The following PIGN variants were observed in gnomAD, a reference collection of about 807,000 sequenced individuals.
PIGN encodes the protein phosphatidylinositol glycan anchor biosynthesis class N.
PIGN carries 117 observed loss-of-function variants against 125.4 expected under a neutral mutation model. That is an observed-to-expected ratio of 0.93 (90% CI 0.80 to 1.09). The LOEUF (loss-of-function observed/expected upper bound fraction) is 1.09, where lower values mean the gene tolerates loss of function less well. Ranked by LOEUF, PIGN falls within the 50% of genes least tolerant of loss-of-function variation. PIGN has a pLI of 0.00. For synonymous variants in PIGN, 392 were observed against 377.8 expected, an observed-to-expected ratio of 1.04 and a Z score of -0.44; for missense variants, 1,075 against 1,094.9, an observed-to-expected ratio of 0.98 and a Z score of 0.26.
intron 14 of PIGN, 26 bp from the exon 15 acceptor site, chr18:62,114,665 T>A: frequency 8.7e-7 from 1 of 1,154,194 alleles, no homozygotes; most frequent in Non-Finnish European, 1.2e-6. Context: ...AGAATAGGTT[T>A]AAAGGGTTTC....
chr18:62,114,296 A>G (rs1326798586), intron 15 of PIGN, among the ~76,000 whole-genome samples: 1 of 151,230 alleles, frequency 6.6e-6, no homozygotes, highest in Non-Finnish European at 1.5e-5. Flanking sequence ...TGGGAGGCGG[A>G]GGTTGCAGTG....
chr18:62,109,492 T>C (rs1227642463), intron 17 of PIGN, among the ~76,000 whole-genome samples: 4 of 152,198 alleles, frequency 2.6e-5, no homozygotes, highest in African/African-American at 9.7e-5. Context: ...GAATCTGAGA[T>C]GATGACACAA....
downstream of PIGN, among the ~76,000 whole-genome samples, chr18:62,038,979 G>C (rs958753747): frequency 1.3e-5 from 2 of 151,028 alleles, no homozygotes; most frequent in Non-Finnish European, 2.9e-5. Context: ...ATAATTGATT[G>C]AAAGTAATTC....
rs201927476 is a variant in PIGN, at chr18:62,113,164, G to A, written c.1404C>T (p.Asn468=). The A allele has an allele frequency of 3.9e-5, 63 of 1,611,290 alleles. 1 individual carries two copies. The African/African-American group carries it at 6.4e-4, about 16-fold the overall frequency. ...CTTCTTTACTAACACCTTTTATAAG[G>A]TTGGAATGAGACTTGATGATCAACA... ...ASLLIIKSHS[N]LIKGVSKEVK... The change falls in exon 16 of 31, where the codon AAC becomes AAT. Residue 468 remains asparagine (N), a synonymous_variant. Transcript: ENST00000640252.
chr18:62,140,402 TA>T lies in PIGN; in HGVS notation c.1023+17del. 1 of 1,212,488 alleles carries T rather than the reference TA, an allele frequency of 8.2e-7. No homozygotes were observed. The highest frequency in any genetic ancestry group is 1.2e-6 in the Non-Finnish European group (1 of 848,628). The allele number at this position is 1,212,488 out of a possible 1,614,324, so 75.1% of individuals were successfully genotyped here. ...TTTTTTTTATACTGAGAGTTGATAA[TA>T]AAATTTTATTCCTTACCACTGAGTT... On this transcript the variant is annotated intron_variant, in intron 12 of 30. Coordinates refer to ENST00000640252, the MANE Select transcript of PIGN (RefSeq NM_176787.5).
intron 4 of PIGN, among the ~76,000 whole-genome samples, chr18:62,159,223 G>A (rs113451536): frequency 0.041 from 6,303 of 152,212 alleles, 440 homozygotes; most frequent in African/African-American, 0.14. Context: ...CAGCCTGGGC[G>A]ACAGAGTGAG....
intron 14 of PIGN, chr18:62,135,619 C>CTTTTTTTTTTTTTTTTTTTTTTTTTTTTT (rs72454339): frequency 7.3e-5 from 5 of 68,682 alleles, no homozygotes; most frequent in Admixed American, 2.0e-4. Context: ...TTTTCTTTGT[C>CTTTTTTTTTTTTTTTTTTTTTTTTTTTTT]TTTTTTTTTT....
In PIGN at chr18:62,096,072, A is replaced by T. The variant is rs185408304; in HGVS notation, c.2078-122T>A. Reference sequence around the variant, plus strand: ...CACTTTGGGAGGCCGAGGTGGGCAGATCACCTGAGGTCAGGAGTTCGAGAC... The same window carrying T: ...CACTTTGGGAGGCCGAGGTGGGCAGTTCACCTGAGGTCAGGAGTTCGAGAC... On this transcript the variant is annotated intron_variant, in intron 22 of 30. Coordinates refer to ENST00000640252, the MANE Select transcript of PIGN (RefSeq NM_176787.5). 7.3e-5 allele frequency: 39 copies of T among 535,962 alleles called. No homozygotes were observed. The Admixed American group carries it at 9.2e-4, about 13-fold the overall frequency. The allele number at this position is 535,962 out of a possible 1,614,324, so 33.2% of individuals were successfully genotyped here.
At position 62,106,812 on chromosome 18, in the gene PIGN, T is replaced by C. The variant is rs757640120; in HGVS notation, c.1744A>G (p.Thr582Ala). The C allele has an allele frequency of 6.0e-5, 97 of 1,607,124 alleles. No homozygotes were observed. The highest frequency in any genetic ancestry group is 7.3e-5 in the Non-Finnish European group (86 of 1,176,768). The change falls in exon 19 of 31, where the codon ACT becomes GCT. Residue 582 changes from threonine to alanine, a missense_variant. Thr to Ala is a moderately conservative substitution (Grantham distance 58). Around this residue, in one of 3 missense-constraint regions of PIGN, gnomAD observed 915 missense variants for 908.7 expected, o/e 1.01. Coordinates refer to ENST00000640252, the MANE Select transcript of PIGN (RefSeq NM_176787.5). ...ACCTTTGCTCGAGTCCACAGCCGAG[T>C]GAGAAATGGCCAAGCTGCAAAGGCA... ...LTAFAAWPFLTRLWTRAKMTS... is the reference protein window; with the variant it reads ...LTAFAAWPFLARLWTRAKMTS...
chr18:62,125,953 A>T (rs1203280577), intron 14 of PIGN, among the ~76,000 whole-genome samples: 14 of 152,128 alleles, frequency 9.2e-5, no homozygotes, highest in Admixed American at 9.2e-4. Flanking sequence ...AAATACAGTA[A>T]GTTACAAAAG....
intron 30 of PIGN, among the ~76,000 whole-genome samples, chr18:62,057,859 C>G (rs546792241): frequency 3.9e-5 from 6 of 152,350 alleles, no homozygotes; most frequent in African/African-American, 1.4e-4. Context: ...TTTCACAGGA[C>G]ACTTTGCCAA....
In PIGN at chr18:62,165,751, C is replaced by T. The variant is rs141398808; in HGVS notation, c.-235-2095G>A. On this transcript the variant is annotated intron_variant, in intron 1 of 30. Transcript: ENST00000640252. The stretch of plus-strand genomic sequence containing the variant: ...GAAATTAAAAGAACAGTGATTCAAG[C>T]GTGAAGGGTGTGGTTAACTGTCAGA... Among the ~76,000 whole-genome samples, 17 of 152,194 alleles carry T rather than the reference C, an allele frequency of 1.1e-4. No homozygotes were observed. The East Asian group carries it at 3.1e-3, about 28-fold the overall frequency.
At chr18:62,169,418 C>T (rs563846754) in intron 1 of PIGN, among the ~76,000 whole-genome samples, 3 of 152,188 alleles carry the variant, frequency 2.0e-5, no homozygotes, top group Non-Finnish European at 2.9e-5. Context: ...TGAAGAATCA[C>T]GTAACAGCTT....
chr18:62,088,092 G>T (rs1175565616), intron 25 of PIGN, among the ~76,000 whole-genome samples: 2 of 152,144 alleles, frequency 1.3e-5, no homozygotes, highest in African/African-American at 4.8e-5. Context: ...TGATTGTGGT[G>T]ATCATTTTAC....
intron 14 of PIGN, among the ~76,000 whole-genome samples, chr18:62,118,358 C>T (rs1297907268): frequency 4.6e-5 from 7 of 151,726 alleles, no homozygotes; most frequent in Non-Finnish European, 1.0e-4. Context: ...CATAGCAATG[C>T]TCCCACCAAG....
At chr18:62,110,558 A>G (rs2034836086) in intron 16 of PIGN, among the ~76,000 whole-genome samples, 1 of 152,128 alleles carries the variant, frequency 6.6e-6, no homozygotes, top group Admixed American at 6.6e-5. Context: ...TAAGTACAGG[A>G]GATTATCCTA....
intron 7 of PIGN, among the ~76,000 whole-genome samples, chr18:62,151,645 C>T (rs1326487317): frequency 2.6e-5 from 4 of 152,226 alleles, no homozygotes; most frequent in African/African-American, 9.6e-5. Flanking sequence ...GACCTCGCTG[C>T]TCACTTGGGA....
chr18:62,116,966 A>G (rs913485365), intron 14 of PIGN, among the ~76,000 whole-genome samples: 3 of 152,116 alleles, frequency 2.0e-5, no homozygotes. Context: ...AAGGAGAAAT[A>G]TTTACATTAT....
intron 14 of PIGN, among the ~76,000 whole-genome samples, chr18:62,124,914 G>A (rs951263769): frequency 8.6e-5 from 13 of 151,328 alleles, no homozygotes; most frequent in African/African-American, 2.4e-4. Flanking sequence ...TATTTTTCTC[G>A]TCAAAAAACA....
Sources: gnomAD v4.1 joint callset for allele counts (sites outside exome capture counted in the v4.1 genomes callset) on GRCh38, gnomAD v4.1.1 for gene constraint, gnomAD v4.1.1 regional missense constraint, MANE v1.5 for transcripts, NCBI Gene and HGNC (gene_info 2026-07-23, HGNC 2026-07-21) for gene names.